The following INPP4B variants were observed in gnomAD, a reference collection of about 807,000 sequenced individuals.
INPP4B encodes the protein inositol polyphosphate-4-phosphatase type II B.
A neutral mutation model predicts 122.5 loss-of-function variants in INPP4B; 55 were observed. The observed-to-expected ratio is 0.45, with a 90% CI of 0.36 to 0.56. The LOEUF (loss-of-function observed/expected upper bound fraction) is 0.56. Among genes scored for constraint, INPP4B ranks in the 20% least tolerant of loss-of-function variants. The pLI, the probability that INPP4B is intolerant of heterozygous loss-of-function variation, is 0.00. For synonymous variants in INPP4B, 403 were observed against 388.7 expected, an observed-to-expected ratio of 1.04 and a Z score of -0.43; for missense variants, 1,000 against 1,097.7, an observed-to-expected ratio of 0.91 and a Z score of 1.26.
intron 2 of INPP4B, among the ~76,000 whole-genome samples, chr4:142,601,551 A>G (rs1292932766): frequency 4.0e-5 from 6 of 151,588 alleles, no homozygotes; most frequent in Non-Finnish European, 2.9e-5. Context: ...GCAAAAGCAG[A>G]GACAAGTTTA....
At chr4:142,092,429 T>G (rs1413174150) in intron 23 of INPP4B, among the ~76,000 whole-genome samples, 1 of 152,164 alleles carries the variant, frequency 6.6e-6, no homozygotes, top group Non-Finnish European at 1.5e-5. Flanking sequence ...TAGCTGGGAT[T>G]ACAGGCACCC....
At chr4:142,069,510 CA>C (rs1261231606) in intron 25 of INPP4B, among the ~76,000 whole-genome samples, 2 of 151,532 alleles carry the variant, frequency 1.3e-5, no homozygotes, top group African/African-American at 2.4e-5. Flanking sequence ...GATACAGACA[CA>C]AAAAACCGTT....
Position 142,451,651 on chromosome 4 carries a change from T to C in INPP4B, c.-127+11012A>G, listed in dbSNP as rs180702972. Among the ~76,000 whole-genome samples the C allele has an allele frequency of 2.6e-3, 393 of 152,262 alleles. 1 individual carries two copies. Among genetic ancestry groups the C allele is most frequent in the Non-Finnish European group, 4.1e-3 (278 of 68,018 alleles). ...AGTTTCTTTTATTGCTTCTTTAAAT[T>C]ATAGGATGGCCTTTTGGAGATCACA... On this transcript the variant is annotated intron_variant, in intron 3 of 25. Coordinates refer to ENST00000262992, the MANE Select transcript of INPP4B (RefSeq NM_001101669.3).
intron 2 of INPP4B, among the ~76,000 whole-genome samples, chr4:142,684,715 G>A (rs1759101357): frequency 6.6e-6 from 1 of 151,926 alleles, no homozygotes; most frequent in African/African-American, 2.4e-5. Context: ...TTTTTGAAAA[G>A]GTATCCTTGA....
intron 2 of INPP4B, among the ~76,000 whole-genome samples, chr4:142,720,805 CTCTCTA>C (rs1449739536): frequency 6.3e-5 from 1 of 15,882 alleles, no homozygotes; most frequent in Non-Finnish European, 1.2e-4. Flanking sequence ...CTCTCTCTCT[CTCTCTA>C]TATATATATA....
intron 2 of INPP4B, among the ~76,000 whole-genome samples, chr4:142,623,556 C>T (rs1405667883): frequency 6.6e-6 from 1 of 151,694 alleles, no homozygotes. Flanking sequence ...CTGTATAATT[C>T]ACTCCTTTTT....
chr4:142,117,489 G>T (rs1361219840), intron 21 of INPP4B, among the ~76,000 whole-genome samples: 1 of 152,126 alleles, frequency 6.6e-6, no homozygotes, highest in Non-Finnish European at 1.5e-5. Context: ...TCATCCCTGG[G>T]ATGTAAGGCT....
intron 2 of INPP4B, among the ~76,000 whole-genome samples, chr4:142,602,053 A>C (rs1004886375): frequency 6.6e-6 from 1 of 151,976 alleles, no homozygotes; most frequent in Non-Finnish European, 1.5e-5. Flanking sequence ...AGATTTAAAA[A>C]ATACTAAGGA....
At chr4:142,304,908 G>A (rs1762776743) in intron 9 of INPP4B, among the ~76,000 whole-genome samples, 1 of 152,086 alleles carries the variant, frequency 6.6e-6, no homozygotes, top group Non-Finnish European at 1.5e-5. Context: ...AAAGACTGTT[G>A]TCTCATCTTC....
chr4:142,643,296 A>G (rs1337098570), intron 2 of INPP4B, among the ~76,000 whole-genome samples: 1 of 152,244 alleles, frequency 6.6e-6, no homozygotes, highest in Non-Finnish European at 1.5e-5. Flanking sequence ...AAGATAGACA[A>G]GAATAGTGTA....
At chr4:142,213,158 A>C (rs1845603411) in intron 12 of INPP4B, among the ~76,000 whole-genome samples, 1 of 152,142 alleles carries the variant, frequency 6.6e-6, no homozygotes, top group Admixed American at 6.5e-5. Flanking sequence ...ATGCCAGTGA[A>C]GGCACTGTGA....
At chr4:142,697,363 T>G (rs1438032597) in intron 2 of INPP4B, among the ~76,000 whole-genome samples, 3 of 151,980 alleles carry the variant, frequency 2.0e-5, no homozygotes. Flanking sequence ...AAAAACAGAG[T>G]CTGGGATCAA....
intron 2 of INPP4B, among the ~76,000 whole-genome samples, chr4:142,686,109 G>A (rs962814272): frequency 7.9e-5 from 12 of 152,030 alleles, no homozygotes; most frequent in African/African-American, 2.9e-4. Context: ...AAGAGTCTAG[G>A]ACTGTGTTTT....
At chr4:142,151,598 C>CA (rs1579088559) in intron 17 of INPP4B, among the ~76,000 whole-genome samples, 1 of 152,172 alleles carries the variant, frequency 6.6e-6, no homozygotes, top group African/African-American at 2.4e-5. Context: ...TAGGCTATCA[C>CA]AAAATCAGGT....
In INPP4B at chr4:142,338,384, C is replaced by T. The variant is rs540082942; in HGVS notation, c.373-23622G>A. ...CCGAGTGGCTGGGACTACAGGCGCC[C>T]GCCACCACACTTAGCTAATTTTTTT... On this transcript the variant is annotated intron_variant, in intron 7 of 25. Transcript: ENST00000262992. Among the ~76,000 whole-genome samples, 27 of 151,960 alleles carry T rather than the reference C, an allele frequency of 1.8e-4. No homozygotes were observed. The South Asian group carries it at 4.4e-3, about 25-fold the overall frequency.
chr4:142,191,923 G>T (rs928883925), intron 15 of INPP4B, among the ~76,000 whole-genome samples: 1 of 152,026 alleles, frequency 6.6e-6, no homozygotes, highest in African/African-American at 2.4e-5. Flanking sequence ...TTATATATTT[G>T]TATAATAGTA....
chr4:142,804,307 G>A (rs1467376373), intron 1 of INPP4B, among the ~76,000 whole-genome samples: 1 of 151,966 alleles, frequency 6.6e-6, no homozygotes, highest in Non-Finnish European at 1.5e-5. Context: ...TAACCTGAAG[G>A]GTTTATATAA....
In INPP4B at chr4:142,741,671, T is replaced by C. The variant is rs528855969; in HGVS notation, c.-253-15770A>G. ...CATAGATGCATTGAAGAAAATTAGG[T>C]ACAACTTCAGAGAGGGACTTAATAA... On this transcript the variant is annotated intron_variant, in intron 1 of 25. Transcript: ENST00000262992. Among the ~76,000 whole-genome samples, 165 of 152,092 alleles carry C rather than the reference T, an allele frequency of 1.1e-3. 1 individual carries two copies. The highest frequency in any genetic ancestry group is 1.9e-3 in the Non-Finnish European group (129 of 67,944).
chr4:142,238,562 G>C (rs895390859), intron 11 of INPP4B, among the ~76,000 whole-genome samples: 2 of 151,956 alleles, frequency 1.3e-5, no homozygotes, highest in Admixed American at 1.3e-4. Context: ...GTGTCAGAAA[G>C]GTTCACTCTT....
Sources: allele counts gnomAD v4.1 joint callset (sites outside exome capture counted in the v4.1 genomes callset), GRCh38; gene constraint gnomAD v4.1.1; transcripts MANE v1.5; gene names NCBI Gene and HGNC (gene_info 2026-07-23, HGNC 2026-07-21).